The following DMXL2 variants were observed in gnomAD, a reference collection of about 807,000 sequenced individuals.
DMXL2 encodes the protein dmX-like protein 2.
A neutral mutation model predicts 331.1 loss-of-function variants in DMXL2; 103 were observed. That is an observed-to-expected ratio of 0.31 (90% CI 0.27 to 0.37). DMXL2 has a LOEUF of 0.37. Among genes scored for constraint, DMXL2 ranks in the 10% least tolerant of loss-of-function variants. The probability of loss-of-function intolerance (pLI) is 1.00; values close to 1 mark genes in which losing one functional copy is unlikely to be tolerated. For missense variants in DMXL2, 3,171 were observed against 3,642.9 expected, an observed-to-expected ratio of 0.87 and a Z score of 3.33; for synonymous variants, 1,281 against 1,252.1, an observed-to-expected ratio of 1.02 and a Z score of -0.49.
At chr15:51,582,237 T>C (rs1260845026) in intron 1 of DMXL2, among the ~76,000 whole-genome samples, 1 of 152,168 alleles carries the variant, frequency 6.6e-6, no homozygotes, top group Admixed American at 6.6e-5. Flanking sequence ...GAAAAAGGAA[T>C]TTCACAGGAT....
At chr15:51,615,005 A>T (rs143648683) in intron 1 of DMXL2, among the ~76,000 whole-genome samples, 3 of 152,352 alleles carry the variant, frequency 2.0e-5, no homozygotes, top group African/African-American at 7.2e-5. Flanking sequence ...GATAAGAAGT[A>T]ATCAGATTCT....
intron 13 of DMXL2, among the ~76,000 whole-genome samples, chr15:51,527,862 A>C (rs1209700912): frequency 6.6e-6 from 1 of 152,224 alleles, no homozygotes; most frequent in Non-Finnish European, 1.5e-5. Context: ...AATCAATCAA[A>C]AATAATAATT....
At chr15:51,554,975 T>C (rs571889293) in intron 6 of DMXL2, among the ~76,000 whole-genome samples, 13 of 152,262 alleles carry the variant, frequency 8.5e-5, no homozygotes, top group African/African-American at 2.9e-4. Flanking sequence ...CTGGCCATCA[T>C]GACGAAACTC....
In DMXL2 at chr15:51,542,514, T is replaced by C. The variant is rs746252767; in HGVS notation, c.931-7A>G. On this transcript the variant is annotated splice_polypyrimidine_tract_variant and splice_region_variant and intron_variant, in intron 8 of 43. Coordinates refer to ENST00000560891, the MANE Select transcript of DMXL2 (RefSeq NM_001378457.1). ...TTTTCAAATGGTGTATTGTCTAAAA[T>C]AGAAAAATAGTTGCTGAGTCCAACT... 6 of 1,602,242 alleles carry C rather than the reference T, an allele frequency of 3.7e-6. No homozygotes were observed. Among genetic ancestry groups the C allele is most frequent in the Non-Finnish European group, 5.1e-6 (6 of 1,172,318 alleles).
At chr15:51,456,495 T>G (rs1026372788) in intron 37 of DMXL2, 126 bp from the exon 38 acceptor site, 5 of 645,138 alleles carry the variant, frequency 7.8e-6, no homozygotes, top group Non-Finnish European at 1.3e-5. Context: ...AAGCCTGTTA[T>G]GGATGTTCTG....
At chr15:51,593,460 A>G (rs2052551627) in intron 1 of DMXL2, among the ~76,000 whole-genome samples, 1 of 152,194 alleles carries the variant, frequency 6.6e-6, no homozygotes, top group Non-Finnish European at 1.5e-5. Context: ...CCACACAATA[A>G]TAATGGGAGA....
chr15:51,459,718 G>C, intron 33 of DMXL2, 58 bp from the exon 34 acceptor site: 13 of 1,283,524 alleles, frequency 1.0e-5, no homozygotes, highest in Non-Finnish European at 1.3e-5. Context: ...AAATTATAAA[G>C]ACAGTGAAAT....
At chr15:51,620,513 C>T (rs2054560633) in intron 1 of DMXL2, among the ~76,000 whole-genome samples, 1 of 152,188 alleles carries the variant, frequency 6.6e-6, no homozygotes. Flanking sequence ...GAATACTTGA[C>T]AAGTTTACAT....
intron 1 of DMXL2, among the ~76,000 whole-genome samples, chr15:51,599,438 A>AT (rs1491529826): frequency 2.6e-5 from 4 of 152,190 alleles, no homozygotes; most frequent in Non-Finnish European, 5.9e-5. Context: ...AGACACACAC[A>AT]TATCTATTTT....
intron 33 of DMXL2, chr15:51,460,235 G>A: frequency 2.0e-6 from 2 of 985,576 alleles, no homozygotes; most frequent in East Asian, 1.1e-4. Context: ...TTATATTTCT[G>A]CTCTGCTGTG....
intron 7 of DMXL2, among the ~76,000 whole-genome samples, chr15:51,546,868 A>G (rs1187652813): frequency 3.3e-5 from 5 of 152,050 alleles, no homozygotes; most frequent in African/African-American, 9.7e-5. Context: ...ATTTGCAAAC[A>G]TTTTCTTGCT....
chr15:51,543,135 C>T (rs1382449790), intron 8 of DMXL2, among the ~76,000 whole-genome samples: 2 of 152,040 alleles, frequency 1.3e-5, no homozygotes, highest in African/African-American at 2.4e-5. Flanking sequence ...CATTAGCATG[C>T]GTGATCATGT....
chr15:51,463,321 A>G, intron 33 of DMXL2, 58 bp downstream of exon 33: 1 of 1,103,100 alleles, frequency 9.1e-7, no homozygotes, highest in Non-Finnish European at 1.3e-6. Context: ...TGATTTCCTT[A>G]GAAATGTTAA....
intron 8 of DMXL2, among the ~76,000 whole-genome samples, chr15:51,544,224 G>A (rs2048766767): frequency 6.6e-6 from 1 of 152,110 alleles, no homozygotes. Context: ...AGCTGTTTGG[G>A]TCATGAGGCG....
At chr15:51,485,536 TACAGC>T (rs1477483739) in intron 23 of DMXL2, among the ~76,000 whole-genome samples, 1 of 152,194 alleles carries the variant, frequency 6.6e-6, no homozygotes, top group African/African-American at 2.4e-5. Context: ...CACTTAAAAA[TACAGC>T]ACATATTAAC....
At chr15:51,550,680 A>G (rs1036648935) in intron 6 of DMXL2, among the ~76,000 whole-genome samples, 1 of 152,192 alleles carries the variant, frequency 6.6e-6, no homozygotes, top group Non-Finnish European at 1.5e-5. Flanking sequence ...GTTATTTTTT[A>G]AAATGTTCCA....
intron 17 of DMXL2, among the ~76,000 whole-genome samples, chr15:51,502,003 G>C (rs1183481206): frequency 2.0e-5 from 3 of 151,094 alleles, no homozygotes; most frequent in Non-Finnish European, 2.9e-5. Context: ...GGCTGAGGTG[G>C]GTGGATCACG....
chr15:51,515,714 A>G (rs902593460), intron 14 of DMXL2, among the ~76,000 whole-genome samples: 2 of 152,286 alleles, frequency 1.3e-5, no homozygotes, highest in Non-Finnish European at 2.9e-5. Context: ...GGAGCAGGGG[A>G]AAAAGTGTTG....
rs940316303 is a variant in DMXL2, at chr15:51,518,598, G to A, written c.2437-1431C>T. On this transcript the variant is annotated intron_variant, in intron 13 of 43. Transcript: ENST00000560891. ...CGTATATTAAAGTTTAAGAAGGACT[G>A]CTGTAGATCACTGGTTCTCAATCTT... Among the ~76,000 whole-genome samples the A allele has an allele frequency of 6.6e-5, 10 of 152,326 alleles. No homozygotes were observed. The South Asian group carries it at 2.1e-3, about 32-fold the overall frequency.
Sources: allele counts gnomAD v4.1 joint callset (sites outside exome capture counted in the v4.1 genomes callset), GRCh38; gene constraint gnomAD v4.1.1; transcripts MANE v1.5; gene names NCBI Gene and HGNC (gene_info 2026-07-23, HGNC 2026-07-21).